Variants in OR2L13 observed in about 807,000 individuals in gnomAD.
OR2L13 encodes the protein olfactory receptor 2L13.
In OR2L13, 14 loss-of-function variants were observed where a neutral mutation model predicts 15.3. That is an observed-to-expected ratio of 0.91 (90% CI 0.60 to 1.43). The LOEUF (loss-of-function observed/expected upper bound fraction) is 1.43. OR2L13 is among the 40% of genes most tolerant of loss of function. The probability of loss-of-function intolerance (pLI) is 0.00; values close to 1 mark genes in which losing one functional copy is unlikely to be tolerated. For missense variants in OR2L13, 367 were observed against 387.9 expected (o/e 0.95, Z 0.45); for synonymous variants, 152 against 142.9 (o/e 1.06, Z -0.45).
At chr1:248,097,162 G>T (rs1199931628), upstream of OR2L13, 1 of 152,096 alleles carries the variant, frequency 6.6e-6, no homozygotes, top group African/African-American at 2.4e-5. Context: ...AAAAACTTGG[G>T]TCTCTTCTTG....
At chr1:247,994,371 G>A in the OR2L13 span, among the ~76,000 whole-genome samples, 2 of 151,902 alleles carry the variant, frequency 1.3e-5, no homozygotes, top group South Asian at 2.1e-4. Context: ...CACTCCAGCC[G>A]GGGCGACAGA....
At chr1:248,046,168 C>A in the OR2L13 span, among the ~76,000 whole-genome samples, 162 of 152,174 alleles carry the variant, frequency 1.1e-3, no homozygotes, top group African/African-American at 3.7e-3. Context: ...GTAGTAACAT[C>A]ATTAGGTCAT....
the OR2L13 span, among the ~76,000 whole-genome samples, chr1:248,069,783 T>C: frequency 1.3e-4 from 20 of 152,064 alleles, no homozygotes; most frequent in Non-Finnish European, 2.2e-4. Context: ...GAGGAAGATC[T>C]ACCAGGGAAA....
the OR2L13 span, chr1:248,022,437 C>T: frequency 5.5e-5 from 88 of 1,614,004 alleles, no homozygotes; most frequent in African/African-American, 2.7e-4. Flanking sequence ...ATATGCATTC[C>T]GTATCCCATA....
the OR2L13 span, among the ~76,000 whole-genome samples, chr1:247,983,958 G>A: frequency 6.6e-6 from 1 of 152,110 alleles, no homozygotes; most frequent in South Asian, 2.1e-4. Flanking sequence ...GGAGATGGGG[G>A]GTCCAGTGAT....
upstream of OR2L13, among the ~76,000 whole-genome samples, chr1:248,093,746 T>A (rs553981601): frequency 6.6e-6 from 1 of 152,322 alleles, no homozygotes; most frequent in East Asian, 1.9e-4. Context: ...ACTCTTATTT[T>A]TTTTTATGGT....
chr1:247,945,766 T>A, the OR2L13 span, among the ~76,000 whole-genome samples: 4 of 152,186 alleles, frequency 2.6e-5, no homozygotes, highest in Non-Finnish European at 5.9e-5. Context: ...TCTTTGTCTT[T>A]TTTGACCTTT....
the OR2L13 span, among the ~76,000 whole-genome samples, chr1:247,944,118 T>G: frequency 6.6e-6 from 1 of 152,116 alleles, no homozygotes; most frequent in African/African-American, 2.4e-5. Context: ...AGGATGAGTC[T>G]TTAAATTTTG....
the OR2L13 span, among the ~76,000 whole-genome samples, chr1:248,068,179 G>A: frequency 1.3e-5 from 2 of 152,166 alleles, no homozygotes; most frequent in East Asian, 1.9e-4. Flanking sequence ...ATCTGAGAAA[G>A]GGCAGACTGC....
chr1:248,095,637 C>T (rs1194324048), upstream of OR2L13, among the ~76,000 whole-genome samples: 8 of 6,644 alleles, frequency 1.2e-3, no homozygotes, highest in Admixed American at 3.3e-3. Flanking sequence ...GATGGAGTCT[C>T]ACTATGTCAC....
At chr1:248,072,099 A>T in the OR2L13 span, among the ~76,000 whole-genome samples, 2,100 of 151,728 alleles carry the variant, frequency 0.014, 46 homozygotes, top group South Asian at 0.032. Flanking sequence ...GCTACCAATG[A>T]CTTTCTTCAC....
At chr1:247,957,097 T>A in the OR2L13 span, among the ~76,000 whole-genome samples, 1 of 152,254 alleles carries the variant, frequency 6.6e-6, no homozygotes, top group Non-Finnish European at 1.5e-5. Context: ...TAGATAGCTC[T>A]TATTATTTTG....
the OR2L13 span, among the ~76,000 whole-genome samples, chr1:247,955,673 T>C: frequency 3.4e-5 from 3 of 87,032 alleles, no homozygotes; most frequent in Non-Finnish European, 8.8e-5. Flanking sequence ...TCATTGTAGT[T>C]TTGATTTGCA....
At chr1:247,953,540 G>GCT in the OR2L13 span, among the ~76,000 whole-genome samples, 1 of 152,176 alleles carries the variant, frequency 6.6e-6, no homozygotes, top group Admixed American at 6.5e-5. Context: ...GTCAAATAGA[G>GCT]CTGTGGTTCA....
At chr1:247,967,861 C>G in the OR2L13 span, among the ~76,000 whole-genome samples, 1 of 151,526 alleles carries the variant, frequency 6.6e-6, no homozygotes, top group African/African-American at 2.4e-5. Context: ...TCTCCTCCTC[C>G]TCCTTCTCCT....
At chr1:247,954,910 A>T in the OR2L13 span, among the ~76,000 whole-genome samples, 1 of 151,846 alleles carries the variant, frequency 6.6e-6, no homozygotes, top group African/African-American at 2.4e-5. Flanking sequence ...ATGTTGCACT[A>T]AATAACCTGA....
At chr1:247,960,563 C>G in the OR2L13 span, among the ~76,000 whole-genome samples, 7 of 152,178 alleles carry the variant, frequency 4.6e-5, no homozygotes, top group African/African-American at 1.7e-4. Context: ...GCAGGCAGGC[C>G]TCCTTGAGCT....
the OR2L13 span, among the ~76,000 whole-genome samples, chr1:248,026,083 T>C: frequency 4.5e-4 from 69 of 152,174 alleles, 1 homozygote; most frequent in African/African-American, 1.6e-3. Context: ...ATGTACCCTA[T>C]AACTTAAAGT....
the OR2L13 span, among the ~76,000 whole-genome samples, chr1:248,000,884 TTCTC>T: frequency 6.6e-6 from 1 of 152,164 alleles, no homozygotes; most frequent in African/African-American, 2.4e-5. Context: ...TTTTTATACT[TTCTC>T]AATTATTTAC....
Sources: gnomAD v4.1 joint callset for allele counts (sites outside exome capture counted in the v4.1 genomes callset) on GRCh38, gnomAD v4.1.1 for gene constraint, MANE v1.5 for transcripts, NCBI Gene and HGNC (gene_info 2026-07-23, HGNC 2026-07-21) for gene names.